MYO7B: variants seen among roughly 807,000 people sequenced by gnomAD.
The protein encoded by MYO7B is myosin VIIB, also known as unconventional myosin-VIIb.
In MYO7B, 212 loss-of-function variants were observed where a neutral mutation model predicts 259.7. That is an observed-to-expected ratio of 0.82 (90% CI 0.73 to 0.91). The LOEUF (loss-of-function observed/expected upper bound fraction) is 0.91. Ranked by LOEUF, MYO7B falls within the 40% of genes least tolerant of loss-of-function variation. The probability of loss-of-function intolerance (pLI) is 0.00; values close to 1 mark genes in which losing one functional copy is unlikely to be tolerated. For synonymous variants in MYO7B, 1,197 were observed against 1,166.4 expected, an observed-to-expected ratio of 1.03 and a Z score of -0.54; for missense variants, 2,732 against 2,813.5, an observed-to-expected ratio of 0.97 and a Z score of 0.66.
intron 10 of MYO7B, among the ~76,000 whole-genome samples, chr2:127,581,271 C>T (rs775817451): frequency 3.3e-5 from 5 of 152,248 alleles, no homozygotes; most frequent in Non-Finnish European, 7.4e-5. Context: ...TTAGCCTTCC[C>T]GGTTGTTCCC....
At chr2:127,572,441 G>T (rs1308698860) in intron 6 of MYO7B, among the ~76,000 whole-genome samples, 9 of 142,032 alleles carry the variant, frequency 6.3e-5, no homozygotes, top group South Asian at 4.5e-4. Flanking sequence ...AGACTTTTCT[G>T]TCTTTCCTTC....
At chr2:127,605,290 G>C (rs1680120821) in intron 19 of MYO7B, among the ~76,000 whole-genome samples, 1 of 152,128 alleles carries the variant, frequency 6.6e-6, no homozygotes, top group Non-Finnish European at 1.5e-5. Context: ...AGAATTTTCT[G>C]ATAACTTAAA....
At position 127,614,453 on chromosome 2, in the gene MYO7B, T is replaced by C. The variant is rs1186151268; in HGVS notation, c.3398+1850T>C. Reference sequence around the variant, plus strand: ...TACAGCTCCCATCTCCTGTCCTCTCTCCTCCTTGCCCATCAGGATGGGCTC... The same window carrying C: ...TACAGCTCCCATCTCCTGTCCTCTCCCCTCCTTGCCCATCAGGATGGGCTC... On this transcript the variant is annotated intron_variant, in intron 26 of 47. Transcript: ENST00000409816. This position sits in a 1 kb window ranked among gnomAD's most constrained non-coding sequence, Gnocchi z 4.6. Among the ~76,000 whole-genome samples the C allele has an allele frequency of 6.6e-6, 1 of 152,090 alleles. No homozygotes were observed. Among genetic ancestry groups the C allele is most frequent in the Non-Finnish European group, 1.5e-5 (1 of 68,024 alleles).
chr2:127,589,470 A>G (rs975695844), intron 15 of MYO7B, among the ~76,000 whole-genome samples: 21 of 144,446 alleles, frequency 1.5e-4, no homozygotes, highest in African/African-American at 4.4e-4. Context: ...AGGAGAAGTG[A>G]CTTTGTGCTG....
Position 127,627,386 on chromosome 2 carries a change from G to A in MYO7B, c.4460+76G>A, listed in dbSNP as rs1399895432. On this transcript the variant is annotated intron_variant, in intron 33 of 47. Transcript: ENST00000409816. The surrounding 1 kb of genome is among the most constrained non-coding windows in gnomAD (Gnocchi z 5.6). ...CATCTGGGGGCTCGGGGAGAGATGG[G>A]GAGAGGGGCAGTGTGCCGTCCCGGG... 6.6e-7 allele frequency: 1 copy of A among 1,520,730 alleles called. No homozygotes were observed. Among genetic ancestry groups the A allele is most frequent in the Non-Finnish European group, 9.0e-7 (1 of 1,113,718 alleles). 94.2% of individuals were successfully genotyped at this position (1,520,730 alleles called of 1,614,324 possible).
intron 6 of MYO7B, among the ~76,000 whole-genome samples, chr2:127,573,614 G>A (rs748862243): frequency 6.6e-6 from 1 of 152,172 alleles, no homozygotes; most frequent in South Asian, 2.1e-4. Context: ...AAGGCTCTGT[G>A]CCACCTGGCC....
chr2:127,582,064 C>T (rs1679124581), intron 11 of MYO7B, 54 bp downstream of exon 11: 1 of 1,609,720 alleles, frequency 6.2e-7, no homozygotes, highest in Admixed American at 1.7e-5. Flanking sequence ...CACGGCTCTG[C>T]TTCTTGCTGT....
rs76377851 is a variant in MYO7B, at chr2:127,635,818, C to A, written c.5917C>A (p.Arg1973=). The A allele has an allele frequency of 3.1e-6, 5 of 1,588,450 alleles. No homozygotes were observed. The South Asian group carries it at 4.6e-5, about 15-fold the overall frequency. ...LIYKAQFNND[R]SQLASVPKIL... ...CTACAAGGCCCAGTTCAACAACGAC[C>A]GGTCCCAGCTGGCTAGTGTCCCCAA... The change falls in exon 44 of 48, where the codon CGG becomes AGG. Residue 1973 remains arginine, a synonymous_variant. Transcript: ENST00000409816.
chr2:127,605,014 G>A (rs181477083), intron 19 of MYO7B, among the ~76,000 whole-genome samples: 14 of 152,210 alleles, frequency 9.2e-5, no homozygotes, highest in Non-Finnish European at 7.4e-5. Context: ...CTCAACACAC[G>A]GCTACCACAG....
rs781619811 is a variant in MYO7B, at chr2:127,607,211, C to T, written c.2430C>T (p.Leu810=). ...CCTCTCTCTTGCCTCCGCAGATCCT[C>T]GTGGGCTTTGAGCGCCTGCAGGCTA... The part of the protein sequence containing the change: ...YCNRRNFKLI[L]VGFERLQAIA... The change falls in exon 21 of 48, where the codon CTC becomes CTT. Residue 810 remains leucine (L), a synonymous_variant. Transcript: ENST00000409816. This position sits in a 1 kb window ranked among gnomAD's most constrained non-coding sequence, Gnocchi z 4.4. 3.0e-5 allele frequency: 47 copies of T among 1,548,180 alleles called. No homozygotes were observed. The highest frequency in any genetic ancestry group is 4.1e-5 in the African/African-American group (3 of 73,012).
chr2:127,617,603 C>T (rs930685497), intron 26 of MYO7B, among the ~76,000 whole-genome samples: 4 of 144,428 alleles, frequency 2.8e-5, no homozygotes, highest in Non-Finnish European at 6.0e-5. Flanking sequence ...CCCAGGTTCA[C>T]GCCATTCTCC....
In MYO7B at chr2:127,637,413, C is replaced by T. The variant is rs552773929; in HGVS notation, c.6425C>T (p.Thr2142Ile). 4.4e-5 allele frequency: 67 copies of T among 1,527,972 alleles called. No individual in the cohort carries two copies. The East Asian group carries it at 8.8e-4, about 20-fold the overall frequency. The allele number at this position is 1,527,972 out of a possible 1,614,324, so 94.7% of individuals were successfully genotyped here. A position where few individuals can be genotyped will look rare whatever the true frequency, so the allele number is the denominator to read the frequency against. ...TCCAAGGCCCCAGCCCTGGCCAGCA[C>T]CTAGCAGCGGATGCTGGCGTGTCTG... The part of the protein sequence containing the change: ...RGSKAPALAS[T>I] The change falls in exon 48 of 48, where the codon ACC becomes ATC. Residue 2142 changes from threonine (T) to isoleucine (I), a missense_variant. Coordinates refer to ENST00000409816, the MANE Select transcript of MYO7B (RefSeq NM_001393586.1).
chr2:127,587,959 A>G (rs1311981516), intron 14 of MYO7B, among the ~76,000 whole-genome samples: 5 of 152,196 alleles, frequency 3.3e-5, no homozygotes, highest in Admixed American at 2.0e-4. Context: ...TAAAGGCCCT[A>G]TGTCCACACA....
Position 127,634,288 on chromosome 2 carries a change from AGGTGGGCCGGGCTGGGGCTGGGCAGAC to A in MYO7B, c.5625+7_5625+33del. The A allele has an allele frequency of 6.4e-7, 1 of 1,573,268 alleles. No individual in the cohort carries two copies. The highest frequency in any genetic ancestry group is 8.6e-7 in the Non-Finnish European group (1 of 1,162,562). On this transcript the variant is annotated splice_donor_variant and splice_donor_5th_base_variant and coding_sequence_variant and intron_variant, in exon 41 of 48. Coordinates refer to ENST00000409816, the MANE Select transcript of MYO7B (RefSeq NM_001393586.1). LOFTEE classifies it high-confidence loss of function. Reference sequence around the variant, plus strand: ...AGCCTCTTCATCAAGATTTCAGACAAGGTGGGCCGGGCTGGGGCTGGGCAGACGGTGGGCGGACGGGCAGTGAGCGAG... The same window carrying A: ...AGCCTCTTCATCAAGATTTCAGACAAGGTGGGCGGACGGGCAGTGAGCGAG...
In MYO7B at chr2:127,636,009, C is replaced by G; in HGVS notation, c.6006+102C>G. 7.1e-7 allele frequency: 1 copy of G among 1,405,970 alleles called. No individual in the cohort carries two copies. The highest frequency in any genetic ancestry group is 9.6e-7 in the Non-Finnish European group (1 of 1,039,214). The allele number at this position is 1,405,970 out of a possible 1,614,324, so 87.1% of individuals were successfully genotyped here. A position where few individuals can be genotyped will look rare whatever the true frequency, so the allele number is the denominator to read the frequency against. On this transcript the variant is annotated intron_variant, in intron 44 of 47. Transcript: ENST00000409816. This position sits in a 1 kb window ranked among gnomAD's most constrained non-coding sequence, Gnocchi z 4.5. ...TGGGCTCCAAGATCACATGGGTGCA[C>G]ATGGGTGGTGTGGAGGGTGGGCTGG...
intron 1 of MYO7B, among the ~76,000 whole-genome samples, chr2:127,550,688 G>A (rs1693412897): frequency 6.6e-6 from 1 of 152,060 alleles, no homozygotes. Flanking sequence ...GGTGGAGGCA[G>A]TGTTATGGGG....
chr2:127,574,497 A>G (rs1678783666), intron 7 of MYO7B, among the ~76,000 whole-genome samples: 1 of 152,242 alleles, frequency 6.6e-6, no homozygotes, highest in Admixed American at 6.5e-5. Context: ...CTGAGATTGC[A>G]CCACTGCACT....
In MYO7B at chr2:127,593,661, C is replaced by T. The variant is rs1484800431; in HGVS notation, c.2244+17C>T. Reference sequence around the variant, plus strand: ...TTCCTGAGGGTGAGACCCCGAGGAACCAGCCAGCTGTCGGCCTCCTGCAGC... The same window carrying T: ...TTCCTGAGGGTGAGACCCCGAGGAATCAGCCAGCTGTCGGCCTCCTGCAGC... On this transcript the variant is annotated intron_variant, in intron 18 of 47. Coordinates refer to ENST00000409816, the MANE Select transcript of MYO7B (RefSeq NM_001393586.1). The T allele has an allele frequency of 2.5e-6, 4 of 1,610,778 alleles. No homozygotes were observed. Among genetic ancestry groups the T allele is most frequent in the South Asian group, 2.2e-5 (2 of 90,926 alleles).
At chr2:127,601,842 G>A (rs1271406006) in intron 19 of MYO7B, among the ~76,000 whole-genome samples, 3 of 152,082 alleles carry the variant, frequency 2.0e-5, no homozygotes, top group Non-Finnish European at 4.4e-5. Flanking sequence ...TACAGCAGGT[G>A]TTCGAATATC....
Sources: allele counts gnomAD v4.1 joint callset (sites outside exome capture counted in the v4.1 genomes callset), GRCh38; gene constraint gnomAD v4.1.1; non-coding constraint Gnocchi (gnomAD v3.1); transcripts MANE v1.5; gene names NCBI Gene and HGNC (gene_info 2026-07-23, HGNC 2026-07-21).